Variants in ROBO1 observed in about 807,000 individuals in gnomAD.
The protein encoded by ROBO1 is roundabout homolog 1.
A neutral mutation model predicts 195.9 loss-of-function variants in ROBO1; 149 were observed. The observed-to-expected ratio is 0.76, with a 90% CI of 0.67 to 0.87. ROBO1 has a LOEUF of 0.87. ROBO1 is among the 40% of genes least tolerant of loss of function. The pLI, the probability that ROBO1 is intolerant of heterozygous loss-of-function variation, is 0.00. For missense variants in ROBO1, 1,933 were observed against 2,068.3 expected, an observed-to-expected ratio of 0.93 and a Z score of 1.27; for synonymous variants, 816 against 733.2, an observed-to-expected ratio of 1.11 and a Z score of -1.82.
At chr3:78,942,631 C>CG (rs1428022090) in intron 3 of ROBO1, among the ~76,000 whole-genome samples, 2 of 152,140 alleles carry the variant, frequency 1.3e-5, no homozygotes, top group Non-Finnish European at 2.9e-5. Flanking sequence ...AATAGCCAAA[C>CG]GGTACTGACA....
At chr3:78,697,490 T>A (rs2107910804) in intron 8 of ROBO1, among the ~76,000 whole-genome samples, 1 of 152,282 alleles carries the variant, frequency 6.6e-6, no homozygotes, top group African/African-American at 2.4e-5. Flanking sequence ...CCAATTTTTA[T>A]AACTACCAAT....
chr3:79,146,679 G>A (rs1012538674), intron 2 of ROBO1, among the ~76,000 whole-genome samples: 2 of 151,820 alleles, frequency 1.3e-5, no homozygotes, highest in African/African-American at 4.8e-5. Context: ...GGACTGCAAA[G>A]AATTAAATGT....
At chr3:79,222,481 A>G (rs1323389805) in intron 2 of ROBO1, among the ~76,000 whole-genome samples, 1 of 152,098 alleles carries the variant, frequency 6.6e-6, no homozygotes, top group African/African-American at 2.4e-5. Context: ...TCAAAATAAA[A>G]TGCTGAAGAA....
intron 2 of ROBO1, among the ~76,000 whole-genome samples, chr3:79,338,251 A>G (rs1309511237): frequency 6.6e-6 from 1 of 152,224 alleles, no homozygotes; most frequent in Admixed American, 6.5e-5. Flanking sequence ...ACAGATGACT[A>G]TCTTTAAATA....
chr3:79,157,208 G>T (rs1440751153), intron 2 of ROBO1, among the ~76,000 whole-genome samples: 1 of 151,726 alleles, frequency 6.6e-6, no homozygotes, highest in African/African-American at 2.4e-5. Flanking sequence ...CTTTTTCCCT[G>T]GACTTTCTCT....
chr3:79,006,038 C>T (rs753269915), intron 3 of ROBO1, among the ~76,000 whole-genome samples: 14 of 152,138 alleles, frequency 9.2e-5, no homozygotes, highest in Non-Finnish European at 1.6e-4. Context: ...CACAGTAGTG[C>T]ACCTCTTAAT....
intron 3 of ROBO1, among the ~76,000 whole-genome samples, chr3:79,015,382 C>G (rs184931446): frequency 6.8e-6 from 1 of 146,482 alleles, no homozygotes; most frequent in African/African-American, 2.5e-5. Context: ...TCCCCCACGC[C>G]CCCCCCCAAA....
At chr3:79,210,703 AT>A (rs200692062) in intron 2 of ROBO1, among the ~76,000 whole-genome samples, 16 of 150,572 alleles carry the variant, frequency 1.1e-4, no homozygotes, top group Middle Eastern at 3.5e-3. Context: ...GTAAGCTAAG[AT>A]TTTTTTTTTG....
At chr3:78,701,566 T>A (rs2107941175) in intron 8 of ROBO1, among the ~76,000 whole-genome samples, 1 of 152,340 alleles carries the variant, frequency 6.6e-6, no homozygotes, top group African/African-American at 2.4e-5. Flanking sequence ...TTATTTATTA[T>A]CAATTATATT....
intron 2 of ROBO1, among the ~76,000 whole-genome samples, chr3:79,190,339 G>A (rs1240629286): frequency 1.3e-5 from 2 of 151,556 alleles, no homozygotes; most frequent in African/African-American, 2.4e-5. Context: ...TACTTGGGAT[G>A]TGGCTAGTAT....
chr3:78,882,984 T>A (rs2036276539), intron 4 of ROBO1, among the ~76,000 whole-genome samples: 1 of 151,890 alleles, frequency 6.6e-6, no homozygotes, highest in African/African-American at 2.4e-5. Flanking sequence ...GGCTAATTTT[T>A]GTATTTTTAG....
chr3:79,241,376 ACCT>A (rs2082514360), intron 2 of ROBO1, among the ~76,000 whole-genome samples: 1 of 152,134 alleles, frequency 6.6e-6, no homozygotes, highest in Non-Finnish European at 1.5e-5. Context: ...TACATCCAGC[ACCT>A]CATTTATCAA....
chr3:78,646,890 T>C (rs1575835659), intron 20 of ROBO1, among the ~76,000 whole-genome samples: 1 of 151,974 alleles, frequency 6.6e-6, no homozygotes. Flanking sequence ...GATTTTCACA[T>C]AGTTAGGCTA....
chr3:79,686,476 C>T (rs1210319537), intron 1 of ROBO1, among the ~76,000 whole-genome samples: 1 of 152,122 alleles, frequency 6.6e-6, no homozygotes, highest in African/African-American at 2.4e-5. Flanking sequence ...AAAACCTCAT[C>T]GTCTCAGCCC....
chr3:78,707,523 T>C (rs1175317171), intron 8 of ROBO1, among the ~76,000 whole-genome samples: 2 of 152,224 alleles, frequency 1.3e-5, no homozygotes, highest in African/African-American at 4.8e-5. Flanking sequence ...TTTAAAGCAA[T>C]AGCAACATAA....
intron 4 of ROBO1, among the ~76,000 whole-genome samples, chr3:78,933,767 G>GA (rs962935425): frequency 1.3e-5 from 2 of 151,802 alleles, no homozygotes; most frequent in Non-Finnish European, 2.9e-5. Context: ...AATATAAATT[G>GA]AAAAAGAAAA....
In ROBO1 at chr3:78,657,159, T is replaced by C; in HGVS notation, c.2553A>G (p.Glu851=). 1 of 1,613,034 alleles carries C rather than the reference T, an allele frequency of 6.2e-7. No homozygotes were observed. Among genetic ancestry groups the C allele is most frequent in the Non-Finnish European group, 8.5e-7 (1 of 1,179,536 alleles). ...ACCCAGCCCCAGTGCTGGCTGCCAC[T>C]TCCACACTGTATCGGATTCCAGGAA... ...FLVPGIRYSV[E]VAASTGAGSG... is the part of the protein sequence containing the mutation. Residue 851 remains glutamate, a synonymous_variant, in exon 18 of 31, where the codon GAA becomes GAG. Coordinates refer to ENST00000464233, the MANE Select transcript of ROBO1 (RefSeq NM_002941.4).
In ROBO1 at chr3:78,681,060, A is replaced by C. The variant is rs538975813; in HGVS notation, c.1342+4686T>G. 2.6e-5 allele frequency among the ~76,000 whole-genome samples: 4 copies of C among 152,086 alleles called. No homozygotes were observed. The South Asian group carries it at 8.3e-4, about 32-fold the overall frequency. The stretch of plus-strand genomic sequence containing the variant: ...GACATGGATGAAATTGGAAATCATC[A>C]TTCTCAGTAAACTATCGCAAGGACA... On this transcript the variant is annotated intron_variant, in intron 10 of 30. Coordinates refer to ENST00000464233, the MANE Select transcript of ROBO1 (RefSeq NM_002941.4).
intron 3 of ROBO1, among the ~76,000 whole-genome samples, chr3:78,971,631 C>T (rs2076768414): frequency 6.6e-6 from 1 of 152,208 alleles, no homozygotes; most frequent in South Asian, 2.1e-4. Flanking sequence ...TCTAACCTGC[C>T]TAACACAAAA....
Sources: allele counts gnomAD v4.1 joint callset (sites outside exome capture counted in the v4.1 genomes callset), GRCh38; gene constraint gnomAD v4.1.1; transcripts MANE v1.5; gene names NCBI Gene and HGNC (gene_info 2026-07-23, HGNC 2026-07-21).